The following SAMD4A variants were observed in gnomAD, a reference collection of about 807,000 sequenced individuals.
The protein encoded by SAMD4A is sterile alpha motif domain containing 4A.
Under a neutral mutation model 81.3 loss-of-function variants are expected in SAMD4A, and 33 were observed. The ratio of observed to expected loss-of-function variants is 0.41; its 90% CI spans 0.31 to 0.54. The LOEUF (loss-of-function observed/expected upper bound fraction) is 0.54, where lower values mean the gene tolerates loss of function less well. Among genes scored for constraint, SAMD4A ranks in the 20% least tolerant of loss-of-function variants. The pLI, the probability that SAMD4A is intolerant of heterozygous loss-of-function variation, is 0.37. For synonymous variants in SAMD4A, 389 were observed against 382.1 expected (o/e 1.02, Z -0.21); for missense variants, 854 against 951.1 (o/e 0.90, Z 1.34).
At chr14:54,695,222 A>C (rs2140692960) in intron 2 of SAMD4A, among the ~76,000 whole-genome samples, 1 of 152,338 alleles carries the variant, frequency 6.6e-6, no homozygotes, top group South Asian at 2.1e-4. Context: ...CATAACAACA[A>C]GTTATCTCAG....
intron 8 of SAMD4A, among the ~76,000 whole-genome samples, chr14:54,765,157 A>G (rs56116397): frequency 0.05 from 7,593 of 152,090 alleles, 596 homozygotes; most frequent in African/African-American, 0.17. Flanking sequence ...GGCTGTCCCT[A>G]AGGGACATGT....
At chr14:54,568,263 T>C (rs1268200533) in intron 2 of SAMD4A, 151 bp downstream of exon 2, 3 of 663,930 alleles carry the variant, frequency 4.5e-6, no homozygotes, top group African/African-American at 4.2e-5. Flanking sequence ...ATCCACCCCC[T>C]CCGGGTGTCC....
At chr14:54,684,560 G>T (rs1309564852) in intron 2 of SAMD4A, among the ~76,000 whole-genome samples, 1 of 152,050 alleles carries the variant, frequency 6.6e-6, no homozygotes, top group African/African-American at 2.4e-5. Flanking sequence ...GTGGGTTGCT[G>T]ATAAGAGGCA....
intron 3 of SAMD4A, among the ~76,000 whole-genome samples, chr14:54,728,374 T>G (rs2140895700): frequency 6.6e-6 from 1 of 152,204 alleles, no homozygotes; most frequent in African/African-American, 2.4e-5. Context: ...AGGCTGAAGG[T>G]GAAGTGAAAG....
intron 9 of SAMD4A, among the ~76,000 whole-genome samples, chr14:54,770,857 T>C (rs2038684794): frequency 6.6e-6 from 1 of 152,136 alleles, no homozygotes; most frequent in Non-Finnish European, 1.5e-5. Context: ...AGTGACAATT[T>C]GTGGGAGAAA....
intron 6 of SAMD4A, chr14:54,754,898 G>C (rs371929813): frequency 1.0e-6 from 1 of 970,796 alleles, no homozygotes; most frequent in Non-Finnish European, 1.2e-6. Context: ...GAGATTAACC[G>C]TGAGTCATAC....
chr14:54,773,196 G>A (rs2038750550), intron 9 of SAMD4A, among the ~76,000 whole-genome samples: 1 of 151,986 alleles, frequency 6.6e-6, no homozygotes, highest in African/African-American at 2.4e-5. Context: ...GAATTCTGGG[G>A]AGAAGAGAAA....
chr14:54,679,299 C>T (rs1349391147), intron 2 of SAMD4A, among the ~76,000 whole-genome samples: 1 of 152,242 alleles, frequency 6.6e-6, no homozygotes, highest in African/African-American at 2.4e-5. Context: ...TATCACTTAG[C>T]CACTTGATTC....
At chr14:54,766,336 G>C (rs1469342484) in intron 8 of SAMD4A, among the ~76,000 whole-genome samples, 1 of 151,420 alleles carries the variant, frequency 6.6e-6, no homozygotes, top group Non-Finnish European at 1.5e-5. Flanking sequence ...CACCTAGGCA[G>C]GTTACAGTAG....
chr14:54,694,571 T>C, intron 2 of SAMD4A: 26 of 964,398 alleles, frequency 2.7e-5, no homozygotes, highest in Non-Finnish European at 3.2e-5. Flanking sequence ...AATCTGGGGC[T>C]CAGGGGAGAA....
rs1374744897 is a variant in SAMD4A at position 54,774,981 on chromosome 14, G to A, written c.1763G>A (p.Gly588Asp). The A allele has an allele frequency of 1.9e-6, 3 of 1,614,084 alleles. No individual in the cohort carries two copies. In the African/African-American group the frequency reaches 4.0e-5, roughly 22 times the overall value. The change falls in exon 10 of 13, where the codon GGC becomes GAC. Residue 588 changes from glycine (G) to aspartate (D), a missense_variant. Coordinates refer to ENST00000554335, the MANE Select transcript of SAMD4A (RefSeq NM_015589.6). ...SNSLPTAGSV[G>D]GGMGRRNPRQ... Reference sequence around the variant, plus strand: ...TCCCTCCCGACGGCTGGCTCTGTGGGCGGTGGCATGGGCAGACGGAACCCG... The same window carrying A: ...TCCCTCCCGACGGCTGGCTCTGTGGACGGTGGCATGGGCAGACGGAACCCG...
chr14:54,774,835 A>AATG, intron 9 of SAMD4A, 99 bp from the exon 10 acceptor site: 2 of 937,316 alleles, frequency 2.1e-6, no homozygotes, highest in African/African-American at 1.9e-5. Context: ...AAAAAAAAAA[A>AATG]TGAGGAGACC....
At chr14:54,663,612 C>CA (rs1429433498) in intron 2 of SAMD4A, among the ~76,000 whole-genome samples, 1 of 152,136 alleles carries the variant, frequency 6.6e-6, no homozygotes, top group African/African-American at 2.4e-5. Flanking sequence ...GTCAGTGAGA[C>CA]AAAAACTGAG....
At chr14:54,624,225 G>A (rs185263406) in intron 2 of SAMD4A, among the ~76,000 whole-genome samples, 1 of 151,632 alleles carries the variant, frequency 6.6e-6, no homozygotes, top group East Asian at 1.9e-4. Context: ...CACCCACCTT[G>A]GCCTCCCAAA....
At chr14:54,719,314 C>G (rs1477521514) in intron 3 of SAMD4A, among the ~76,000 whole-genome samples, 4 of 152,156 alleles carry the variant, frequency 2.6e-5, no homozygotes, top group African/African-American at 9.7e-5. Flanking sequence ...TTGGGAATCA[C>G]AGCCCTAAGC....
chr14:54,741,601 G>A (rs1294811315), intron 4 of SAMD4A, among the ~76,000 whole-genome samples: 1 of 152,194 alleles, frequency 6.6e-6, no homozygotes, highest in Non-Finnish European at 1.5e-5. Context: ...TATCAGATGA[G>A]CAAAAAACAG....
In SAMD4A at chr14:54,770,089, T is replaced by C. The variant is rs1221148410; in HGVS notation, c.1597-15T>C. 1.9e-6 allele frequency: 3 copies of C among 1,548,138 alleles called. No homozygotes were observed. In the South Asian group the frequency reaches 3.4e-5, roughly 17 times the overall value. On this transcript the variant is annotated splice_polypyrimidine_tract_variant and intron_variant, in intron 8 of 12. Coordinates refer to ENST00000554335, the MANE Select transcript of SAMD4A (RefSeq NM_015589.6). ...GGCTGCGTCACCCATTTAAAAGTCC[T>C]GTTTGTTTTTGCAGGCATTTACAGA...
chr14:54,671,555 G>A (rs1486212170), intron 2 of SAMD4A, among the ~76,000 whole-genome samples: 1 of 152,212 alleles, frequency 6.6e-6, no homozygotes, highest in African/African-American at 2.4e-5. Flanking sequence ...CAAGGCAGAG[G>A]CTGGGCTGAG....
At chr14:54,783,344 G>C (rs532972689) in intron 11 of SAMD4A, among the ~76,000 whole-genome samples, 1 of 152,320 alleles carries the variant, frequency 6.6e-6, no homozygotes, top group Admixed American at 6.5e-5. Context: ...CTTCCAGGTA[G>C]TTGAGGACAT....
Sources: allele counts gnomAD v4.1 joint callset (sites outside exome capture counted in the v4.1 genomes callset), GRCh38; gene constraint gnomAD v4.1.1; transcripts MANE v1.5; gene names NCBI Gene and HGNC (gene_info 2026-07-23, HGNC 2026-07-21).